GRM5: variants seen among roughly 807,000 people sequenced by gnomAD.
GRM5 encodes the protein glutamate metabotropic receptor 5.
GRM5 carries 19 observed loss-of-function variants against 83.1 expected under a neutral mutation model. The ratio of observed to expected loss-of-function variants is 0.23; its 90% CI spans 0.16 to 0.34. The LOEUF is 0.34. GRM5 is among the 10% of genes least tolerant of loss of function. The pLI is 1.00. For synonymous variants in GRM5, 675 were observed against 633.6 expected (o/e 1.07, Z -0.98); for missense variants, 1,160 against 1,588.3 (o/e 0.73, Z 4.58).
chr11:88,770,465 C>T (rs1201920357), intron 3 of GRM5, among the ~76,000 whole-genome samples: 2 of 152,212 alleles, frequency 1.3e-5, no homozygotes, highest in Middle Eastern at 3.4e-3. Flanking sequence ...ATTCTTTGTA[C>T]TATATGCTCA....
At chr11:88,735,391 G>GTTGT (rs2135410747) in intron 3 of GRM5, among the ~76,000 whole-genome samples, 1 of 152,114 alleles carries the variant, frequency 6.6e-6, no homozygotes, top group Non-Finnish European at 1.5e-5. Context: ...CCATTACCTT[G>GTTGT]TTGTTTGGTT....
At chr11:88,902,929 C>T (rs530946858) in intron 2 of GRM5, among the ~76,000 whole-genome samples, 10 of 117,532 alleles carry the variant, frequency 8.5e-5, no homozygotes, top group South Asian at 2.7e-4. Context: ...CCAGCCTGGG[C>T]GACAGACCAA....
Position 88,790,303 on chromosome 11 carries a change from A to C in GRM5, c.911+59603T>G, listed in dbSNP as rs1384544198. ...ACAAACACAGAACATCACACACTGCACAGTGTTTATCAATCTCTGTGTTTG... is the reference window on the plus strand; with the variant it reads ...ACAAACACAGAACATCACACACTGCCCAGTGTTTATCAATCTCTGTGTTTG... On this transcript the variant is annotated intron_variant, in intron 3 of 9. Coordinates refer to ENST00000305447, the MANE Select transcript of GRM5 (RefSeq NM_001143831.3). Among the ~76,000 whole-genome samples, 3 of 152,324 alleles carry C rather than the reference A, an allele frequency of 2.0e-5. No homozygotes were observed. In the East Asian group the frequency reaches 5.8e-4, roughly 29 times the overall value.
chr11:88,529,384 G>A (rs191416035), intron 8 of GRM5, among the ~76,000 whole-genome samples: 24 of 151,216 alleles, frequency 1.6e-4, no homozygotes, highest in Non-Finnish European at 2.1e-4. Context: ...GATATGATAC[G>A]TAAGACAAAT....
At chr11:88,578,126 C>A (rs1943151486) in intron 7 of GRM5, among the ~76,000 whole-genome samples, 1 of 152,040 alleles carries the variant, frequency 6.6e-6, no homozygotes, top group African/African-American at 2.4e-5. Flanking sequence ...GTATGTGTTG[C>A]CCCAAGTAAA....
At chr11:88,717,127 A>G (rs2135390401) in intron 3 of GRM5, among the ~76,000 whole-genome samples, 1 of 152,104 alleles carries the variant, frequency 6.6e-6, no homozygotes, top group Middle Eastern at 3.4e-3. Flanking sequence ...AAAGAAACTC[A>G]GTACAAAATC....
intron 3 of GRM5, among the ~76,000 whole-genome samples, chr11:88,775,487 G>T (rs1942828221): frequency 6.6e-6 from 1 of 152,048 alleles, no homozygotes; most frequent in Admixed American, 6.5e-5. Flanking sequence ...GCTAGCTTTT[G>T]AATGTGTTTG....
chr11:88,575,967 T>G (rs1943101480), intron 7 of GRM5, among the ~76,000 whole-genome samples: 1 of 152,166 alleles, frequency 6.6e-6, no homozygotes, highest in African/African-American at 2.4e-5. Context: ...GTGCAAAGAT[T>G]TATTTTATAA....
chr11:88,522,603 C>CTCTG (rs1206475339), intron 9 of GRM5, among the ~76,000 whole-genome samples: 7,102 of 127,260 alleles, frequency 0.056, 262 homozygotes, highest in Non-Finnish European at 0.071. Flanking sequence ...CTCTCTCTCT[C>CTCTG]TGTGTGTGTG....
intron 2 of GRM5, among the ~76,000 whole-genome samples, chr11:88,969,629 T>C (rs112086697): frequency 6.6e-6 from 1 of 152,132 alleles, no homozygotes; most frequent in Non-Finnish European, 1.5e-5. Flanking sequence ...TTCATGTTAA[T>C]AGCTCCATCA....
intron 7 of GRM5, among the ~76,000 whole-genome samples, chr11:88,584,303 A>G (rs1271837455): frequency 6.6e-6 from 1 of 151,976 alleles, no homozygotes; most frequent in Non-Finnish European, 1.5e-5. Context: ...CTCTTACTAG[A>G]TGATACTGCT....
At chr11:88,568,848 A>T (rs12271130) in intron 7 of GRM5, among the ~76,000 whole-genome samples, 8,304 of 152,212 alleles carry the variant, frequency 0.055, 722 homozygotes, top group African/African-American at 0.18. Flanking sequence ...AAAAGGAGGA[A>T]GTTCATTTTT....
At chr11:88,622,122 A>G (rs556747802) in intron 4 of GRM5, among the ~76,000 whole-genome samples, 15 of 152,296 alleles carry the variant, frequency 9.8e-5, no homozygotes, top group Admixed American at 9.2e-4. Context: ...ATTATTTTCT[A>G]TAAGCCATTT....
At chr11:88,943,560 G>A (rs544604886) in intron 2 of GRM5, among the ~76,000 whole-genome samples, 10 of 151,970 alleles carry the variant, frequency 6.6e-5, no homozygotes, top group African/African-American at 1.2e-4. Context: ...CTAAAAATTC[G>A]CCTTCTTCTG....
At chr11:88,944,510 T>C (rs903287571) in intron 2 of GRM5, among the ~76,000 whole-genome samples, 2 of 151,976 alleles carry the variant, frequency 1.3e-5, no homozygotes, top group African/African-American at 4.8e-5. Context: ...TGTGTGTGTA[T>C]GGCAAAATTA....
At chr11:88,908,866 A>T (rs1437404081) in intron 2 of GRM5, among the ~76,000 whole-genome samples, 1 of 152,138 alleles carries the variant, frequency 6.6e-6, no homozygotes, top group Non-Finnish European at 1.5e-5. Context: ...GTGTGAGTTT[A>T]CCTATATGCA....
chr11:89,025,069 T>A (rs1941096549), intron 2 of GRM5, among the ~76,000 whole-genome samples: 1 of 152,228 alleles, frequency 6.6e-6, no homozygotes, highest in Non-Finnish European at 1.5e-5. Context: ...ATCTAGAAAG[T>A]CATCTTCACG....
At chr11:88,538,599 G>C (rs1262567533) in intron 8 of GRM5, among the ~76,000 whole-genome samples, 1 of 152,176 alleles carries the variant, frequency 6.6e-6, no homozygotes. Context: ...TTTTCCAACA[G>C]AGATTTTTCC....
chr11:88,653,133 T>C, intron 4 of GRM5, 35 bp downstream of exon 4: 1 of 1,273,438 alleles, frequency 7.9e-7, no homozygotes, highest in South Asian at 1.2e-5. Flanking sequence ...AACCTTAGCC[T>C]TATGCATTTT....
Sources: allele counts gnomAD v4.1 joint callset (sites outside exome capture counted in the v4.1 genomes callset), GRCh38; gene constraint gnomAD v4.1.1; transcripts MANE v1.5; gene names NCBI Gene and HGNC (gene_info 2026-07-23, HGNC 2026-07-21).